The following CNTNAP2 variants were observed in gnomAD, a reference collection of about 807,000 sequenced individuals.
CNTNAP2 encodes contactin associated protein 2, also known as contactin-associated protein-like 2.
In CNTNAP2, 98 loss-of-function variants were observed where a neutral mutation model predicts 155.2. The observed-to-expected ratio is 0.63, with a 90% CI of 0.54 to 0.75. The LOEUF (loss-of-function observed/expected upper bound fraction) is 0.75, where lower values mean the gene tolerates loss of function less well. CNTNAP2 is among the 30% of genes least tolerant of loss of function. CNTNAP2 has a pLI of 0.00. For synonymous variants in CNTNAP2, 651 were observed against 631.2 expected (o/e 1.03, Z -0.47); for missense variants, 1,727 against 1,688.1 (o/e 1.02, Z -0.40).
chr7:147,674,962 G>T (rs1795844739), intron 13 of CNTNAP2, among the ~76,000 whole-genome samples: 1 of 151,482 alleles, frequency 6.6e-6, no homozygotes, highest in Non-Finnish European at 1.5e-5. Flanking sequence ...TTCATTCATG[G>T]ATGTGTTAGT....
Position 147,225,826 on chromosome 7 carries a change from AGAAGGAAG to A in CNTNAP2, c.1349-74308_1349-74301del, listed in dbSNP as rs1235294246. Among the ~76,000 whole-genome samples, 1,155 of 120,722 alleles carry A rather than the reference AGAAGGAAG, an allele frequency of 9.6e-3. 29 individuals carry two copies. Among genetic ancestry groups the A allele is most frequent in the African/African-American group, 0.032 (1,093 of 34,406 alleles). 79.2% of individuals were successfully genotyped at this position (120,722 alleles called of 152,430 possible). ...AAGAAAGAAAGAAGGAAAGAAGGAAAGAAGGAAGGAAGGAGGGAAAGAAGGAAGGAGGG... is the reference window on the plus strand; with the variant it reads ...AAGAAAGAAAGAAGGAAAGAAGGAAAGAAGGAGGGAAAGAAGGAAGGAGGG... On this transcript the variant is annotated intron_variant, in intron 8 of 23. Transcript: ENST00000361727.
intron 21 of CNTNAP2, among the ~76,000 whole-genome samples, chr7:148,366,327 A>T (rs1798780288): frequency 8.7e-6 from 1 of 115,408 alleles, no homozygotes; most frequent in African/African-American, 2.7e-5. Flanking sequence ...TTATGTATAC[A>T]TATCTGTCAA....
intron 11 of CNTNAP2, among the ~76,000 whole-genome samples, chr7:147,546,681 A>T (rs1179490230): frequency 2.0e-5 from 3 of 152,204 alleles, no homozygotes; most frequent in Non-Finnish European, 2.9e-5. Context: ...GTACAGGGAA[A>T]GGAGAAAAGC....
chr7:146,128,199 G>A (rs1797664278), intron 1 of CNTNAP2, among the ~76,000 whole-genome samples: 1 of 152,128 alleles, frequency 6.6e-6, no homozygotes, highest in South Asian at 2.1e-4. Flanking sequence ...ATAGGTATTA[G>A]GGAATGGTTG....
chr7:146,722,611 T>TTTAC (rs1333429288), intron 1 of CNTNAP2, among the ~76,000 whole-genome samples: 1 of 152,082 alleles, frequency 6.6e-6, no homozygotes, highest in Non-Finnish European at 1.5e-5. Context: ...ATTTGAAATA[T>TTTAC]TTACTATGTA....
At chr7:147,304,127 T>C (rs1179416512) in intron 9 of CNTNAP2, among the ~76,000 whole-genome samples, 1 of 152,184 alleles carries the variant, frequency 6.6e-6, no homozygotes, top group Admixed American at 6.5e-5. Context: ...TCTCTGTGCT[T>C]GCTCCCTGCT....
At chr7:148,365,830 G>A (rs563784810) in intron 21 of CNTNAP2, among the ~76,000 whole-genome samples, 1 of 99,240 alleles carries the variant, frequency 1.0e-5, no homozygotes, top group African/African-American at 5.0e-5. Flanking sequence ...GCATGTGTAT[G>A]CATGTATACA....
intron 12 of CNTNAP2, among the ~76,000 whole-genome samples, chr7:147,619,639 T>C: frequency 6.6e-6 from 1 of 152,228 alleles, no homozygotes; most frequent in African/African-American, 2.4e-5. Context: ...TCTTGTGGCT[T>C]GAGTGACAGC....
intron 10 of CNTNAP2, among the ~76,000 whole-genome samples, chr7:147,429,814 G>T (rs1432263218): frequency 6.6e-6 from 1 of 152,010 alleles, no homozygotes; most frequent in Non-Finnish European, 1.5e-5. Flanking sequence ...TGTTTAATAA[G>T]GTATCCTCTC....
At chr7:146,483,280 AAAAT>A (rs1460836169) in intron 1 of CNTNAP2, among the ~76,000 whole-genome samples, 19 of 54,468 alleles carry the variant, frequency 3.5e-4, no homozygotes, top group East Asian at 6.1e-4. Flanking sequence ...CGTCTAAAAA[AAAAT>A]ATATATATAT....
chr7:146,759,992 G>A (rs150869510), intron 1 of CNTNAP2, among the ~76,000 whole-genome samples: 49 of 152,230 alleles, frequency 3.2e-4, no homozygotes, highest in African/African-American at 1.2e-3. Context: ...ACATCTTAGG[G>A]AGCTTTTACA....
At chr7:146,264,362 A>G (rs1799962655) in intron 1 of CNTNAP2, among the ~76,000 whole-genome samples, 1 of 152,002 alleles carries the variant, frequency 6.6e-6, no homozygotes, top group Admixed American at 6.6e-5. Flanking sequence ...GAGACAGGAG[A>G]GTCGCTTGAA....
intron 16 of CNTNAP2, among the ~76,000 whole-genome samples, chr7:148,122,973 T>G (rs1433692975): frequency 6.6e-6 from 1 of 152,194 alleles, no homozygotes; most frequent in African/African-American, 2.4e-5. Context: ...TGTTTCTAGT[T>G]TTGATGTTGT....
chr7:147,331,501 A>T (rs1795568553), intron 9 of CNTNAP2, among the ~76,000 whole-genome samples: 1 of 152,104 alleles, frequency 6.6e-6, no homozygotes, highest in Non-Finnish European at 1.5e-5. Flanking sequence ...TGGCAACAAT[A>T]GTCAAAACTG....
At chr7:146,969,861 G>T (rs555497971) in intron 3 of CNTNAP2, among the ~76,000 whole-genome samples, 4 of 152,172 alleles carry the variant, frequency 2.6e-5, no homozygotes, top group African/African-American at 9.6e-5. Flanking sequence ...CCAAAACAGA[G>T]ATATAGATCA....
chr7:147,457,920 T>G (rs144294521), intron 10 of CNTNAP2, among the ~76,000 whole-genome samples: 1 of 152,272 alleles, frequency 6.6e-6, no homozygotes, highest in East Asian at 1.9e-4. Flanking sequence ...TAGTTTTGGG[T>G]GGCCACATCT....
chr7:147,723,600 C>T (rs920975162), intron 13 of CNTNAP2, among the ~76,000 whole-genome samples: 1 of 151,352 alleles, frequency 6.6e-6, no homozygotes, highest in Non-Finnish European at 1.5e-5. Context: ...AGTTGCAAAA[C>T]TCTGCTTATA....
At chr7:146,561,819 T>C (rs1204262085) in intron 1 of CNTNAP2, among the ~76,000 whole-genome samples, 2 of 152,168 alleles carry the variant, frequency 1.3e-5, no homozygotes, top group African/African-American at 4.8e-5. Flanking sequence ...AGACAGTTTC[T>C]GGCTATGTTG....
At chr7:147,576,714 A>C (rs1468650003) in intron 12 of CNTNAP2, among the ~76,000 whole-genome samples, 1 of 152,144 alleles carries the variant, frequency 6.6e-6, no homozygotes, top group Non-Finnish European at 1.5e-5. Context: ...TTCTTCCACC[A>C]GTGAAAAGTC....
Sources: allele counts gnomAD v4.1 joint callset (sites outside exome capture counted in the v4.1 genomes callset), GRCh38; gene constraint gnomAD v4.1.1; transcripts MANE v1.5; gene names NCBI Gene and HGNC (gene_info 2026-07-23, HGNC 2026-07-21).